Variants in RBFOX3 observed in about 807,000 individuals in gnomAD.
The protein encoded by RBFOX3 is RNA binding fox-1 homolog 3, also known as RNA binding protein fox-1 homolog 3.
In RBFOX3, 17 loss-of-function variants were observed where a neutral mutation model predicts 48.7. The ratio of observed to expected loss-of-function variants is 0.35; its 90% CI spans 0.24 to 0.52. The LOEUF is 0.52. RBFOX3 is among the 20% of genes least tolerant of loss of function. The pLI is 0.94. For missense variants in RBFOX3, 382 were observed against 497.5 expected (o/e 0.77, Z 2.21); for synonymous variants, 212 against 209.5 (o/e 1.01, Z -0.10).
chr17:79,546,321 G>A (rs2090427404), intron 1 of RBFOX3, among the ~76,000 whole-genome samples: 1 of 152,154 alleles, frequency 6.6e-6, no homozygotes, highest in South Asian at 2.1e-4. Context: ...CCAGCCAAGT[G>A]TCTACAGACA....
rs1269135140 is a variant in RBFOX3, at chr17:79,198,535, C to G, written c.-34+37231G>C. 6.6e-6 allele frequency among the ~76,000 whole-genome samples: 1 copy of G among 152,198 alleles called. No individual in the cohort carries two copies. The highest frequency in any genetic ancestry group is 1.9e-4 in the East Asian group (1 of 5,202). The stretch of plus-strand genomic sequence containing the variant: ...GGAGACTGAGGCTTGGAGAAGTTCA[C>G]AGACTTTCCAGGATGTATTGCCCAT... On this transcript the variant is annotated intron_variant, in intron 4 of 14. Transcript: ENST00000693108. The surrounding 1 kb of genome is among the most constrained non-coding windows in gnomAD (Gnocchi z 8.2).
At chr17:79,222,986 T>C (rs1469735849) in intron 4 of RBFOX3, among the ~76,000 whole-genome samples, 2 of 152,126 alleles carry the variant, frequency 1.3e-5, no homozygotes, top group Admixed American at 1.3e-4. Flanking sequence ...TGTCAGGGTG[T>C]GGGTCTGCCA....
chr17:79,510,702 C>T lies in RBFOX3; in HGVS notation c.-319-28104G>A, dbSNP rs540015168. Among the ~76,000 whole-genome samples, 14 of 152,294 alleles carry T rather than the reference C, an allele frequency of 9.2e-5. No homozygotes were observed. The East Asian group carries it at 1.5e-3, about 17-fold the overall frequency. ...TCTTAAACAGGGCCCAGCGCCCCTACGAGCGGGTGATTAATGGAGGGGATG... is the reference window on the plus strand; with the variant it reads ...TCTTAAACAGGGCCCAGCGCCCCTATGAGCGGGTGATTAATGGAGGGGATG... On this transcript the variant is annotated intron_variant, in intron 1 of 14. Transcript: ENST00000693108.
chr17:79,333,229 T>C (rs2080681257), intron 2 of RBFOX3, among the ~76,000 whole-genome samples: 1 of 152,156 alleles, frequency 6.6e-6, no homozygotes, highest in Non-Finnish European at 1.5e-5. Context: ...ACAGCCTCAG[T>C]GAGGCCTGCA....
intron 2 of RBFOX3, among the ~76,000 whole-genome samples, chr17:79,380,165 C>G (rs566746139): frequency 6.6e-6 from 1 of 152,082 alleles, no homozygotes. Context: ...CTGGCTCCCC[C>G]ACCTAACAAA....
chr17:79,377,969 G>C (rs1436521056), intron 2 of RBFOX3, among the ~76,000 whole-genome samples: 1 of 152,180 alleles, frequency 6.6e-6, no homozygotes, highest in Admixed American at 6.5e-5. Context: ...AAACTTTTAG[G>C]TTAGGGAAAG....
chr17:79,309,106 C>A (rs1318225419), intron 2 of RBFOX3, among the ~76,000 whole-genome samples: 13 of 143,880 alleles, frequency 9.0e-5, no homozygotes, highest in South Asian at 2.3e-4. Flanking sequence ...GACTCTGTCT[C>A]AAAAAAAAAA....
At chr17:79,600,942 G>A (rs907899500) in intron 1 of RBFOX3, 1 of 152,502 alleles carries the variant, frequency 6.6e-6, no homozygotes, top group Non-Finnish European at 1.5e-5. Flanking sequence ...GGTGAAGGAG[G>A]GGAGTGAGGA....
intron 1 of RBFOX3, among the ~76,000 whole-genome samples, chr17:79,609,812 C>T (rs1599287732): frequency 6.6e-6 from 1 of 152,048 alleles, no homozygotes; most frequent in Non-Finnish European, 1.5e-5. Flanking sequence ...AGGGAGGCTG[C>T]GACCCCCAGC....
At chr17:79,287,880 G>C (rs2072320741) in intron 3 of RBFOX3, among the ~76,000 whole-genome samples, 1 of 152,192 alleles carries the variant, frequency 6.6e-6, no homozygotes, top group Admixed American at 6.5e-5. Context: ...CCTGCCCACT[G>C]TTTCTCAGGA....
intron 2 of RBFOX3, among the ~76,000 whole-genome samples, chr17:79,438,029 T>TATGCACACACAGGC (rs1184571201): frequency 5.3e-5 from 8 of 151,932 alleles, no homozygotes; most frequent in Non-Finnish European, 1.5e-5. Flanking sequence ...ACAAGCACAC[T>TATGCACACACAGGC]ATGCACACAC....
chr17:79,202,604 C>T (rs1296609724), intron 4 of RBFOX3, among the ~76,000 whole-genome samples: 2 of 152,224 alleles, frequency 1.3e-5, no homozygotes, highest in East Asian at 1.9e-4. Flanking sequence ...AGGGGCTTGC[C>T]CCAGATCGCC....
intron 2 of RBFOX3, among the ~76,000 whole-genome samples, chr17:79,403,782 CTT>C (rs781618072): frequency 0.14 from 16,888 of 123,962 alleles, 999 homozygotes; most frequent in Middle Eastern, 0.19. Context: ...TGTTCTTTTT[CTT>C]TTTTTTTTTT....
intron 4 of RBFOX3, among the ~76,000 whole-genome samples, chr17:79,170,101 C>A (rs1314900505): frequency 8.3e-5 from 9 of 108,436 alleles, no homozygotes; most frequent in Admixed American, 4.0e-4. Context: ...GGATGGAAAG[C>A]AGGAAAGGAG....
At chr17:79,561,349 G>A (rs1387570355) in intron 1 of RBFOX3, among the ~76,000 whole-genome samples, 6 of 152,196 alleles carry the variant, frequency 3.9e-5, no homozygotes, top group Middle Eastern at 6.8e-3. Flanking sequence ...AGGAAGAAAC[G>A]CTGGACAGTC....
At chr17:79,409,605 T>C (rs531354298) in intron 2 of RBFOX3, among the ~76,000 whole-genome samples, 1 of 152,288 alleles carries the variant, frequency 6.6e-6, no homozygotes, top group East Asian at 1.9e-4. Context: ...GTGCAGAGGG[T>C]GGTGGCATGT....
At chr17:79,150,344 G>A (rs912755847) in intron 4 of RBFOX3, among the ~76,000 whole-genome samples, 1 of 152,086 alleles carries the variant, frequency 6.6e-6, no homozygotes, top group Non-Finnish European at 1.5e-5. Context: ...CTGTGGGCCT[G>A]GGACACGCAG....
chr17:79,110,163 G>T (rs1423453191), intron 5 of RBFOX3, among the ~76,000 whole-genome samples: 1 of 149,430 alleles, frequency 6.7e-6, no homozygotes, highest in African/African-American at 2.5e-5. Flanking sequence ...TTTGCTTCTT[G>T]TTCTCAAATG....
intron 2 of RBFOX3, among the ~76,000 whole-genome samples, chr17:79,434,010 C>T (rs996275402): frequency 5.9e-5 from 9 of 152,340 alleles, no homozygotes; most frequent in East Asian, 1.9e-4. Flanking sequence ...CCATAAGACA[C>T]GTCACAGCCT....
Sources: gnomAD v4.1 joint callset for allele counts (sites outside exome capture counted in the v4.1 genomes callset) on GRCh38, gnomAD v4.1.1 for gene constraint, Gnocchi (gnomAD v3.1) non-coding constraint, MANE v1.5 for transcripts, NCBI Gene and HGNC (gene_info 2026-07-23, HGNC 2026-07-21) for gene names.